Variants in TENT2 observed in about 807,000 individuals in gnomAD.
The protein encoded by TENT2 is terminal nucleotidyltransferase 2, also known as poly(A) RNA polymerase GLD2.
A neutral mutation model predicts 72.2 loss-of-function variants in TENT2; 44 were observed. The observed-to-expected ratio is 0.61, with a 90% CI of 0.48 to 0.78. The LOEUF (loss-of-function observed/expected upper bound fraction) is 0.78, where lower values mean the gene tolerates loss of function less well. Ranked by LOEUF, TENT2 falls within the 30% of genes least tolerant of loss-of-function variation. The pLI is 0.00. For synonymous variants in TENT2, 212 were observed against 192.5 expected (o/e 1.10, Z -0.84); for missense variants, 541 against 569.6 (o/e 0.95, Z 0.51).
chr5:79,659,558 A>G (rs1250598625), intron 11 of TENT2, among the ~76,000 whole-genome samples: 13 of 52,256 alleles, frequency 2.5e-4, no homozygotes, highest in East Asian at 5.9e-4. Context: ...AAAAAAATGT[A>G]TATATATATA....
At chr5:79,678,891 C>T (rs1291000619) in intron 12 of TENT2, among the ~76,000 whole-genome samples, 1 of 151,934 alleles carries the variant, frequency 6.6e-6, no homozygotes, top group Non-Finnish European at 1.5e-5. Context: ...TTTACTTGTA[C>T]TTTCTTTTCT....
At chr5:79,649,264 C>G in intron 10 of TENT2, 74 bp downstream of exon 10, 1 of 1,375,884 alleles carries the variant, frequency 7.3e-7, no homozygotes, top group Non-Finnish European at 9.9e-7. Context: ...TCTGTTGACC[C>G]TATTTTCAAA....
At chr5:79,656,177 A>G (rs1011331500) in intron 10 of TENT2, among the ~76,000 whole-genome samples, 2 of 151,934 alleles carry the variant, frequency 1.3e-5, no homozygotes, top group African/African-American at 4.8e-5. Flanking sequence ...TATATTGTGA[A>G]TGTTAGGCAC....
At chr5:79,683,347 C>T (rs1244948544) in intron 14 of TENT2, among the ~76,000 whole-genome samples, 1 of 151,196 alleles carries the variant, frequency 6.6e-6, no homozygotes, top group Non-Finnish European at 1.5e-5. Context: ...ACACACCCCA[C>T]CTCACCTCAC....
intron 10 of TENT2, among the ~76,000 whole-genome samples, chr5:79,652,387 G>GTA (rs1794847181): frequency 6.6e-6 from 1 of 151,782 alleles, no homozygotes; most frequent in African/African-American, 2.4e-5. Flanking sequence ...TAATAACTGT[G>GTA]TATATATATT....
In TENT2 at chr5:79,666,075, A is replaced by C. The variant is rs1300152477; in HGVS notation, c.1072-2817A>C. Among the ~76,000 whole-genome samples the C allele has an allele frequency of 9.5e-5, 14 of 147,052 alleles. 1 individual carries two copies. The highest frequency in any genetic ancestry group is 3.5e-4 in the African/African-American group (14 of 39,652). On this transcript the variant is annotated intron_variant, in intron 11 of 14. Transcript: ENST00000453514. ...GTGGATTCGGCTTACTGCAACCTCC[A>C]CCTCCCGGATTCAAGCGATTGTCTT...
chr5:79,673,515 A>G (rs765708821), intron 12 of TENT2, among the ~76,000 whole-genome samples: 7 of 152,142 alleles, frequency 4.6e-5, no homozygotes, highest in African/African-American at 7.2e-5. Flanking sequence ...GCATATGGAT[A>G]TCTAGTATTC....
chr5:79,679,694 G>T (rs369939461), intron 13 of TENT2, 24 bp downstream of exon 13: 8 of 1,356,106 alleles, frequency 5.9e-6, no homozygotes, highest in Middle Eastern at 1.9e-4. Context: ...TACCATCTAC[G>T]TATCATCATG....
intron 3 of TENT2, among the ~76,000 whole-genome samples, chr5:79,621,872 A>G (rs1239291026): frequency 6.6e-6 from 1 of 152,202 alleles, no homozygotes; most frequent in African/African-American, 2.4e-5. Flanking sequence ...GCTCTAAAAT[A>G]CTTTTATGTT....
At chr5:79,618,742 T>G (rs1012013531) in intron 1 of TENT2, among the ~76,000 whole-genome samples, 6 of 152,178 alleles carry the variant, frequency 3.9e-5, no homozygotes, top group Non-Finnish European at 7.3e-5. Context: ...GTAGGGCCTG[T>G]CAACTAGTTG....
intron 1 of TENT2, 113 bp from the exon 2 acceptor site, chr5:79,619,499 A>G: frequency 1.3e-6 from 1 of 753,762 alleles, no homozygotes; most frequent in Non-Finnish European, 1.9e-6. Flanking sequence ...AACTTTGCAA[A>G]TAAAATTTGT....
rs956139739 is a variant in TENT2 at position 79,688,180 on chromosome 5, A to G, written c.*2907A>G. On this transcript the variant is annotated 3_prime_UTR_variant, in exon 15 of 15. Transcript: ENST00000453514. ...AACTGGTGAATAATCCCCAGCTTAC[A>G]GTCATATTTAACAACTCTGTGACTT... 6.6e-6 allele frequency among the ~76,000 whole-genome samples: 1 copy of G among 152,242 alleles called. No individual in the cohort carries two copies. Among genetic ancestry groups the G allele is most frequent in the Non-Finnish European group, 1.5e-5 (1 of 68,028 alleles).
rs1381299080 is a variant in TENT2 at position 79,612,485 on chromosome 5, C to G, written c.-628C>G. 6.5e-6 allele frequency: 1 copy of G among 152,694 alleles called. No individual in the cohort carries two copies. The highest frequency in any genetic ancestry group is 2.4e-5 in the African/African-American group (1 of 41,344). 9.5% of individuals were successfully genotyped at this position (152,694 alleles called of 1,614,324 possible). On this transcript the variant is annotated 5_prime_UTR_variant, in exon 1 of 15. Transcript: ENST00000453514. Reference sequence around the variant, plus strand: ...TTCCGGGTGTCTTTGACAGGGTTTTCTACGCCGCTTTTTCGGCGACTTTTT... The same window carrying G: ...TTCCGGGTGTCTTTGACAGGGTTTTGTACGCCGCTTTTTCGGCGACTTTTT...
At position 79,627,268 on chromosome 5, in the gene TENT2, GAACT is replaced by G. The variant is rs60819598; in HGVS notation, c.465+3788_465+3791del. 1.3e-3 allele frequency among the ~76,000 whole-genome samples: 204 copies of G among 152,094 alleles called. 1 individual carries two copies. Among genetic ancestry groups the G allele is most frequent in the African/African-American group, 4.7e-3 (195 of 41,478 alleles). ...TGTATGTTGTGATAGTTAACTGTTA[GAACT>G]AACTAACTGCTAGTTCTGCATATGG... is the stretch of plus-strand genomic sequence containing the variant. On this transcript the variant is annotated intron_variant, in intron 4 of 14. Transcript: ENST00000453514.
rs1784142002 is a variant in TENT2 at position 79,641,132 on chromosome 5, C to G, written c.608C>G (p.Ser203Cys). The G allele has an allele frequency of 7.0e-6, 11 of 1,574,278 alleles. No individual in the cohort carries two copies. Among genetic ancestry groups the G allele is most frequent in the Non-Finnish European group, 9.4e-6 (11 of 1,168,724 alleles). Residue 203 changes from serine to cysteine, a missense_variant, in exon 6 of 15, where the codon TCT becomes TGT. Coordinates refer to ENST00000453514, the MANE Select transcript of TENT2 (RefSeq NM_001114394.3). ...AGCAGACTTTTTTTGGTTGGGTCCTCTTTAAATGGATTTGGTACCCGGAGC... is the reference window on the plus strand; with the variant it reads ...AGCAGACTTTTTTTGGTTGGGTCCTGTTTAAATGGATTTGGTACCCGGAGC... ...PQSRLFLVGS[S>C]LNGFGTRSSD...
chr5:79,663,980 A>G (rs1231280673), intron 11 of TENT2, among the ~76,000 whole-genome samples: 1 of 152,174 alleles, frequency 6.6e-6, no homozygotes, highest in Non-Finnish European at 1.5e-5. Context: ...AAAAATATTC[A>G]GGAAAAATAA....
At chr5:79,630,590 G>T (rs866036667) in intron 4 of TENT2, among the ~76,000 whole-genome samples, 1 of 152,052 alleles carries the variant, frequency 6.6e-6, no homozygotes, top group Non-Finnish European at 1.5e-5. Context: ...AAGTAGTGGG[G>T]ATGGGGAGAC....
intron 4 of TENT2, among the ~76,000 whole-genome samples, chr5:79,630,331 G>T (rs1191460681): frequency 6.6e-6 from 1 of 152,126 alleles, no homozygotes; most frequent in Non-Finnish European, 1.5e-5. Flanking sequence ...AGTGGCTCAT[G>T]CCTGTAATCG....
Position 79,685,415 on chromosome 5 carries a change from T to C in TENT2, c.*142T>C, listed in dbSNP as rs1825739151. 1.9e-6 allele frequency: 1 copy of C among 518,388 alleles called. No individual in the cohort carries two copies. Among genetic ancestry groups the C allele is most frequent in the Non-Finnish European group, 3.2e-6 (1 of 310,396 alleles). 32.1% of individuals were successfully genotyped at this position (518,388 alleles called of 1,614,324 possible). A position where few individuals can be genotyped will look rare whatever the true frequency, so the allele number is the denominator to read the frequency against. On this transcript the variant is annotated 3_prime_UTR_variant, in exon 15 of 15. Coordinates refer to ENST00000453514, the MANE Select transcript of TENT2 (RefSeq NM_001114394.3). ...TATTTTTAAAAAGACATATAAAGAT[T>C]GCATATTTTATTATGACATTTCCTA...
Sources: allele counts gnomAD v4.1 joint callset (sites outside exome capture counted in the v4.1 genomes callset), GRCh38; gene constraint gnomAD v4.1.1; transcripts MANE v1.5; gene names NCBI Gene and HGNC (gene_info 2026-07-23, HGNC 2026-07-21).